The following BIRC6 variants were observed in gnomAD, a reference collection of about 807,000 sequenced individuals.
BIRC6 encodes dual E2 ubiquitin-conjugating enzyme/E3 ubiquitin-protein ligase BIRC6.
In BIRC6, 98 loss-of-function variants were observed where a neutral mutation model predicts 503.3. That is an observed-to-expected ratio of 0.19 (90% CI 0.17 to 0.23). BIRC6 has a LOEUF of 0.23. Among genes scored for constraint, BIRC6 ranks in the 10% least tolerant of loss-of-function variants. The pLI, the probability that BIRC6 is intolerant of heterozygous loss-of-function variation, is 1.00. For synonymous variants in BIRC6, 2,240 were observed against 2,078.7 expected (o/e 1.08, Z -2.11); for missense variants, 5,360 against 5,806.0 (o/e 0.92, Z 2.50).
rs145738139 is a variant in BIRC6, at chr2:32,538,778, G to A, written c.12292-4463G>A. On this transcript the variant is annotated intron_variant, in intron 61 of 73. Transcript: ENST00000421745. ...AAACCCTGCCTCTACTAAAAAATAT[G>A]ATAATTAGCCAGCAGTGGTAGCACA... 3.9e-4 allele frequency among the ~76,000 whole-genome samples: 60 copies of A among 152,232 alleles called. 5 individuals are homozygous for A. The East Asian group carries it at 7.0e-3, about 18-fold the overall frequency.
chr2:32,597,424 T>G (rs530196013), intron 68 of BIRC6, among the ~76,000 whole-genome samples: 1 of 152,230 alleles, frequency 6.6e-6, no homozygotes, highest in Non-Finnish European at 1.5e-5. Context: ...TTTGAGTTAA[T>G]AGACCCTGTC....
rs770603173 is a variant in BIRC6 at position 32,433,742 on chromosome 2, A to G, written c.3347A>G (p.Asn1116Ser). 22 of 1,601,326 alleles carry G rather than the reference A, an allele frequency of 1.4e-5. No homozygotes were observed. In the Middle Eastern group the frequency reaches 5.0e-4, roughly 36 times the overall value. ...TTCGTTTTGAACTCAAACATCACCA[A>G]TATTCCACAGATACAAGTGACACTG... ...FKFVLNSNIT[N>S]IPQIQVTLLK... The change falls in exon 13 of 74, where the codon AAT becomes AGT. Residue 1116 changes from asparagine to serine, a missense_variant. This residue lies in a region of BIRC6 where 2,299 missense variants were observed against 2,267.2 expected (regional missense o/e 1.01). Transcript: ENST00000421745.
At chr2:32,373,240 T>C (rs2036235497) in intron 1 of BIRC6, among the ~76,000 whole-genome samples, 2 of 151,912 alleles carry the variant, frequency 1.3e-5, no homozygotes, top group Admixed American at 6.6e-5. Context: ...AAAAAAAATC[T>C]GTTCTAAAAT....
intron 23 of BIRC6, among the ~76,000 whole-genome samples, chr2:32,460,411 G>T (rs2047761945): frequency 1.3e-5 from 2 of 148,452 alleles, no homozygotes; most frequent in South Asian, 2.1e-4. Context: ...CCAGTACCTG[G>T]GATTACAGGT....
intron 61 of BIRC6, among the ~76,000 whole-genome samples, chr2:32,541,505 C>T (rs2057663531): frequency 6.6e-6 from 1 of 151,998 alleles, no homozygotes; most frequent in African/African-American, 2.4e-5. Flanking sequence ...AGAGTTACCT[C>T]ACCATTCATT....
chr2:32,480,036 C>T (rs751957825), intron 37 of BIRC6, among the ~76,000 whole-genome samples: 1 of 152,100 alleles, frequency 6.6e-6, no homozygotes, highest in Non-Finnish European at 1.5e-5. Flanking sequence ...TTATCATCTC[C>T]ATACCCCTTA....
intron 71 of BIRC6, among the ~76,000 whole-genome samples, chr2:32,606,058 G>C (rs540051842): frequency 6.6e-6 from 1 of 152,140 alleles, no homozygotes; most frequent in Non-Finnish European, 1.5e-5. Flanking sequence ...CTGTTTAATC[G>C]TTGTGCCCAA....
chr2:32,430,757 T>C lies in BIRC6; in HGVS notation c.3023-108T>C, dbSNP rs1373085105. ...TAACTTTCAGAATATTTGGCAAGTG[T>C]TGCAATAGAAAACCTACCCATGAAT... On this transcript the variant is annotated intron_variant, in intron 11 of 73. Transcript: ENST00000421745. 7.8e-6 allele frequency: 6 copies of C among 773,618 alleles called. No homozygotes were observed. In the African/African-American group the frequency reaches 8.8e-5, roughly 11 times the overall value. The allele number at this position is 773,618 out of a possible 1,614,324, so 47.9% of individuals were successfully genotyped here.
At chr2:32,518,418 C>T (rs753438412) in intron 56 of BIRC6, 21 bp downstream of exon 56, 7 of 1,595,940 alleles carry the variant, frequency 4.4e-6, no homozygotes, top group Non-Finnish European at 6.0e-6. Flanking sequence ...AACACTTAAT[C>T]ATTGGCTGTG....
At chr2:32,404,900 A>G (rs1031452550) in intron 8 of BIRC6, among the ~76,000 whole-genome samples, 1 of 151,846 alleles carries the variant, frequency 6.6e-6, no homozygotes, top group Non-Finnish European at 1.5e-5. Context: ...GGGCTCAAGC[A>G]GTCCTCCCTC....
intron 69 of BIRC6, among the ~76,000 whole-genome samples, chr2:32,599,046 AG>A (rs1559133763): frequency 6.8e-6 from 1 of 146,100 alleles, no homozygotes; most frequent in Non-Finnish European, 1.5e-5. Context: ...AAAAAAAAAA[AG>A]GCCTGGTATG....
intron 57 of BIRC6, among the ~76,000 whole-genome samples, chr2:32,521,532 G>A (rs890167819): frequency 1.3e-5 from 2 of 151,560 alleles, no homozygotes; most frequent in African/African-American, 2.4e-5. Context: ...GCAGTGGCGC[G>A]ATCTCGGCTC....
chr2:32,499,426 T>C, intron 45 of BIRC6, 121 bp from the exon 46 acceptor site: 1 of 857,066 alleles, frequency 1.2e-6, no homozygotes, highest in Non-Finnish European at 1.7e-6. Context: ...TGTTTAACTT[T>C]CTTGTATTGT....
At chr2:32,540,510 T>C (rs2057578883) in intron 61 of BIRC6, among the ~76,000 whole-genome samples, 1 of 152,050 alleles carries the variant, frequency 6.6e-6, no homozygotes, top group African/African-American at 2.4e-5. Context: ...ATTTCTTTGT[T>C]GTTAATTGAG....
chr2:32,510,735 A>T (rs2054299512), intron 53 of BIRC6, 101 bp downstream of exon 53: 2 of 791,698 alleles, frequency 2.5e-6, no homozygotes, highest in South Asian at 3.1e-5. Context: ...CATAAAAGAC[A>T]ATACTGTGAT....
chr2:32,606,563 A>T (rs1406998412), intron 71 of BIRC6, among the ~76,000 whole-genome samples: 1 of 152,236 alleles, frequency 6.6e-6, no homozygotes, highest in African/African-American at 2.4e-5. Flanking sequence ...ATTGCACTGC[A>T]GCCTGGGCAA....
chr2:32,515,166 A>G lies in BIRC6; in HGVS notation c.10745A>G (p.Asp3582Gly). ...QCHHRLSMTD[D>G]SKKQDLSSSL... ...CATCATAGACTGTCCATGACAGATG[A>G]TAGCAAAAAGCAGGATCTTAGTTCA... Residue 3582 changes from aspartate (D) to glycine (G), a missense_variant, in exon 55 of 74, where the codon GAT (aspartate) becomes GGT (glycine). Physicochemically the swap from Asp to Gly is moderately conservative, Grantham distance 94. Around this residue, in one of 16 missense-constraint regions of BIRC6, gnomAD observed 878 missense variants for 928.9 expected, o/e 0.95. Transcript: ENST00000421745. 1 of 1,613,990 alleles carries G rather than the reference A, an allele frequency of 6.2e-7. No individual in the cohort carries two copies.
chr2:32,545,512 T>G, intron 62 of BIRC6, 131 bp from the exon 63 acceptor site: 1 of 738,894 alleles, frequency 1.4e-6, no homozygotes, highest in Non-Finnish European at 2.3e-6. Context: ...ATTTGTGGTA[T>G]TTGGTTTTCT....
At chr2:32,565,611 T>A (rs2059484230) in intron 65 of BIRC6, 2 of 152,184 alleles carry the variant, frequency 1.3e-5, no homozygotes, top group Non-Finnish European at 1.5e-5. Flanking sequence ...TTATAGGAAA[T>A]CTATGTATAA....
Sources: allele counts gnomAD v4.1 joint callset (sites outside exome capture counted in the v4.1 genomes callset), GRCh38; gene constraint gnomAD v4.1.1; regional missense constraint gnomAD v4.1.1; transcripts MANE v1.5; gene names NCBI Gene and HGNC (gene_info 2026-07-23, HGNC 2026-07-21).